FGFR2: variants seen among roughly 807,000 people sequenced by gnomAD.
FGFR2 encodes BEK fibroblast growth factor receptor.
In FGFR2, 19 loss-of-function variants were observed where a neutral mutation model predicts 95.9. That is an observed-to-expected ratio of 0.20 (90% CI 0.14 to 0.29). The LOEUF (loss-of-function observed/expected upper bound fraction) is 0.29. Among genes scored for constraint, FGFR2 ranks in the 10% least tolerant of loss-of-function variants. The pLI is 1.00. For synonymous variants in FGFR2, 392 were observed against 393.3 expected, an observed-to-expected ratio of 1.00 and a Z score of 0.04; for missense variants, 707 against 1,056.9, an observed-to-expected ratio of 0.67 and a Z score of 4.59.
intron 1 of FGFR2, 192 bp from the exon 2 acceptor site, chr10:121,594,159 AG>A: frequency 2.1e-6 from 1 of 474,680 alleles, no homozygotes; most frequent in Non-Finnish European, 3.9e-6. Flanking sequence ...GAAATGTGTG[AG>A]GCTAATCTTT....
intron 2 of FGFR2, among the ~76,000 whole-genome samples, chr10:121,569,623 A>G (rs1485567533): frequency 6.6e-6 from 1 of 152,258 alleles, no homozygotes; most frequent in Non-Finnish European, 1.5e-5. Flanking sequence ...TTTTGATCCC[A>G]GTAAAACCAG....
chr10:121,556,862 A>G (rs529757908), intron 4 of FGFR2, among the ~76,000 whole-genome samples: 8 of 152,194 alleles, frequency 5.3e-5, no homozygotes, highest in Non-Finnish European at 1.2e-4. Context: ...TAGGGCTTTT[A>G]AAAATATCAC....
At chr10:121,521,093 T>C (rs143342538) in intron 6 of FGFR2, among the ~76,000 whole-genome samples, 1 of 152,370 alleles carries the variant, frequency 6.6e-6, no homozygotes, top group Non-Finnish European at 1.5e-5. Context: ...CATTCTTTAT[T>C]CACCCATTTA....
chr10:121,569,174 G>A (rs1049150373), intron 2 of FGFR2, among the ~76,000 whole-genome samples: 5 of 151,564 alleles, frequency 3.3e-5, no homozygotes, highest in African/African-American at 1.2e-4. Flanking sequence ...ATTTTCAGAG[G>A]ATAATCACAG....
At position 121,581,624 on chromosome 10, in the gene FGFR2, C is replaced by T. The variant is rs114114035; in HGVS notation, c.109+12085G>A. Among the ~76,000 whole-genome samples the T allele has an allele frequency of 9.8e-4, 148 of 151,538 alleles. 1 individual carries two copies. The highest frequency in any genetic ancestry group is 3.5e-3 in the African/African-American group (143 of 41,372). Reference sequence around the variant, plus strand: ...GAAAGAAAAAAGAAAAATCAGCCTGCGCCTATAGTCGCAGCTACTCAGAAG... The same window carrying T: ...GAAAGAAAAAAGAAAAATCAGCCTGTGCCTATAGTCGCAGCTACTCAGAAG... On this transcript the variant is annotated intron_variant, in intron 2 of 17. Coordinates refer to ENST00000358487, the MANE Select transcript of FGFR2 (RefSeq NM_000141.5).
chr10:121,490,378 G>A (rs7089562), intron 13 of FGFR2, among the ~76,000 whole-genome samples: 25,341 of 151,926 alleles, frequency 0.17, 2,394 homozygotes, highest in African/African-American at 0.23. Flanking sequence ...TGGTCAGGCT[G>A]GTCTCAAACT....
At chr10:121,554,500 G>A (rs560178672) in intron 4 of FGFR2, among the ~76,000 whole-genome samples, 160 of 123,440 alleles carry the variant, frequency 1.3e-3, no homozygotes, top group African/African-American at 5.0e-3. Context: ...CACCATGCCC[G>A]GCTAATTTTT....
chr10:121,590,705 T>A (rs1862504582), intron 2 of FGFR2, among the ~76,000 whole-genome samples: 1 of 152,182 alleles, frequency 6.6e-6, no homozygotes, highest in Non-Finnish European at 1.5e-5. Context: ...AAAGCCAAGA[T>A]GACTAAACAT....
At chr10:121,523,115 A>T (rs560834180) in intron 6 of FGFR2, among the ~76,000 whole-genome samples, 1 of 152,230 alleles carries the variant, frequency 6.6e-6, no homozygotes, top group Non-Finnish European at 1.5e-5. Context: ...CTCTTAGCAC[A>T]TTTCATTCCA....
intron 9 of FGFR2, among the ~76,000 whole-genome samples, chr10:121,506,523 A>G (rs1433330114): frequency 6.6e-6 from 1 of 152,172 alleles, no homozygotes; most frequent in African/African-American, 2.4e-5. Flanking sequence ...AGGAAGCTGC[A>G]ATCAATAGAG....
intron 2 of FGFR2, among the ~76,000 whole-genome samples, chr10:121,590,091 T>G (rs1368350715): frequency 6.6e-6 from 1 of 152,060 alleles, no homozygotes; most frequent in African/African-American, 2.4e-5. Context: ...CTGGACCAAC[T>G]CACGTTGGTC....
chr10:121,527,760 G>A (rs963971553), intron 6 of FGFR2: 2 of 152,136 alleles, frequency 1.3e-5, no homozygotes, highest in Non-Finnish European at 2.9e-5. Flanking sequence ...CACTAGGCAG[G>A]AGGTCCCTCC....
At chr10:121,553,398 A>T (rs1414273455) in intron 4 of FGFR2, among the ~76,000 whole-genome samples, 2 of 152,160 alleles carry the variant, frequency 1.3e-5, no homozygotes, top group Admixed American at 6.5e-5. Context: ...GGAGTACTTG[A>T]TTCCCATTCA....
upstream of FGFR2, chr10:121,598,449 A>G (rs1377663539): frequency 1.9e-5 from 3 of 159,614 alleles, no homozygotes; most frequent in East Asian, 5.0e-4. Context: ...GCTCTCCTCC[A>G]GCCGCCGCCC....
chr10:121,489,859 C>A (rs1230989553), intron 13 of FGFR2, among the ~76,000 whole-genome samples: 2 of 152,224 alleles, frequency 1.3e-5, no homozygotes, highest in Non-Finnish European at 2.9e-5. Flanking sequence ...TTCCACACTG[C>A]CCGTCTAGCG....
chr10:121,576,301 T>C (rs1421391917), intron 2 of FGFR2, among the ~76,000 whole-genome samples: 2 of 152,242 alleles, frequency 1.3e-5, no homozygotes, highest in African/African-American at 2.4e-5. Flanking sequence ...ACAAGCTATG[T>C]TGAAGTCCTG....
rs2133799427 is a variant in FGFR2, at chr10:121,485,501, A to G, written c.2089T>C (p.Phe697Leu). ...WSFGVLMWEI[F>L]TLGGSPYPGI... ...GGGTAGGGCGAGCCCCCTAAAGTGA[A>G]GATCTCCCACATTAACACCCCGAAG... Residue 697 changes from phenylalanine to leucine, a missense_variant, in exon 16 of 18, where the codon TTC becomes CTC. Transcript: ENST00000358487. The surrounding 1 kb of genome is among the most constrained non-coding windows in gnomAD (Gnocchi z 4.2). 1.2e-6 allele frequency: 2 copies of G among 1,614,126 alleles called. No homozygotes were observed. The highest frequency in any genetic ancestry group is 1.7e-6 in the Non-Finnish European group (2 of 1,180,026).
intron 2 of FGFR2, among the ~76,000 whole-genome samples, chr10:121,587,015 C>A (rs1384392985): frequency 6.6e-6 from 1 of 152,118 alleles, no homozygotes; most frequent in African/African-American, 2.4e-5. Flanking sequence ...GCTACGGTAA[C>A]CAAAACAGCA....
intron 2 of FGFR2, among the ~76,000 whole-genome samples, chr10:121,582,054 C>T (rs934260122): frequency 1.3e-5 from 2 of 152,076 alleles, no homozygotes; most frequent in African/African-American, 2.4e-5. Context: ...GCCTCCGCCC[C>T]CCAAGTACCT....
Sources: gnomAD v4.1 joint callset for allele counts (sites outside exome capture counted in the v4.1 genomes callset) on GRCh38, gnomAD v4.1.1 for gene constraint, Gnocchi (gnomAD v3.1) non-coding constraint, MANE v1.5 for transcripts, NCBI Gene and HGNC (gene_info 2026-07-23, HGNC 2026-07-21) for gene names.